The following SLCO3A1 variants were observed in gnomAD, a reference collection of about 807,000 sequenced individuals.
SLCO3A1 encodes PGE1 transporter.
A neutral mutation model predicts 63.1 loss-of-function variants in SLCO3A1; 27 were observed. That is an observed-to-expected ratio of 0.43 (90% CI 0.32 to 0.59). The LOEUF (loss-of-function observed/expected upper bound fraction) is 0.59. Ranked by LOEUF, SLCO3A1 falls within the 20% of genes least tolerant of loss-of-function variation. The probability of loss-of-function intolerance (pLI) is 0.09; values close to 1 mark genes in which losing one functional copy is unlikely to be tolerated. For missense variants in SLCO3A1, 773 were observed against 945.8 expected (o/e 0.82, Z 2.40); for synonymous variants, 473 against 409.9 (o/e 1.15, Z -1.86).
chr15:92,043,917 AT>A (rs1159980212), intron 2 of SLCO3A1, among the ~76,000 whole-genome samples: 1 of 152,068 alleles, frequency 6.6e-6, no homozygotes, highest in Non-Finnish European at 1.5e-5. Flanking sequence ...CGGTTTTTCC[AT>A]CCCCCCTGGG....
chr15:91,929,130 C>A (rs1257648807), intron 2 of SLCO3A1, among the ~76,000 whole-genome samples: 1 of 152,194 alleles, frequency 6.6e-6, no homozygotes, highest in African/African-American at 2.4e-5. Flanking sequence ...TCAGCATGAG[C>A]AGTTATTGAG....
At chr15:92,091,653 T>C (rs912110311) in intron 2 of SLCO3A1, among the ~76,000 whole-genome samples, 2 of 152,158 alleles carry the variant, frequency 1.3e-5, no homozygotes, top group African/African-American at 4.8e-5. Flanking sequence ...GGACTGTCCT[T>C]TGAAAAAGGT....
downstream of SLCO3A1, among the ~76,000 whole-genome samples, chr15:92,167,167 T>C (rs1402599516): frequency 4.6e-5 from 7 of 152,240 alleles, no homozygotes; most frequent in East Asian, 1.3e-3. Context: ...TACTTCCCGC[T>C]GCCTGGTGCT....
Position 91,971,411 on chromosome 15 carries a change from G to A in SLCO3A1, c.646+54953G>A, listed in dbSNP as rs1196602943. Among the ~76,000 whole-genome samples the A allele has an allele frequency of 8.8e-3, 325 of 36,998 alleles. 1 individual carries two copies. The highest frequency in any genetic ancestry group is 0.017 in the East Asian group (14 of 832). 24.3% of individuals were successfully genotyped at this position (36,998 alleles called of 152,430 possible). A position where few individuals can be genotyped will look rare whatever the true frequency, so the allele number is the denominator to read the frequency against. On this transcript the variant is annotated intron_variant, in intron 2 of 9. Coordinates refer to ENST00000318445, the MANE Select transcript of SLCO3A1 (RefSeq NM_013272.4). ...CTCCATCTCAAAAAAAAAAAAAAAA[G>A]CAACCTCTTCCTTCTTGTTTCAGCT...
intron 1 of SLCO3A1, among the ~76,000 whole-genome samples, chr15:91,906,121 T>C (rs867963132): frequency 1.3e-5 from 2 of 152,196 alleles, no homozygotes; most frequent in South Asian, 4.1e-4. Flanking sequence ...CATGGAATCA[T>C]AGTGGAGAGT....
intron 2 of SLCO3A1, among the ~76,000 whole-genome samples, chr15:92,011,888 C>G (rs114045025): frequency 6.6e-5 from 10 of 152,364 alleles, no homozygotes; most frequent in African/African-American, 2.4e-4. Flanking sequence ...ATCAGGGAAC[C>G]TCTCAATTTG....
chr15:92,046,228 T>C (rs1055513134), intron 2 of SLCO3A1, among the ~76,000 whole-genome samples: 1 of 152,074 alleles, frequency 6.6e-6, no homozygotes, highest in African/African-American at 2.4e-5. Flanking sequence ...CAAAAAGTTA[T>C]TGTCGGCTGG....
chr15:92,162,808 G>GTTCTGGAGCACGTTC lies in SLCO3A1; in HGVS notation c.1808_1822dup (p.Phe603_Phe607dup). The GTTCTGGAGCACGTTC allele has an allele frequency of 6.2e-7, 1 of 1,614,136 alleles. No individual in the cohort carries two copies. Among genetic ancestry groups the GTTCTGGAGCACGTTC allele is most frequent in the Non-Finnish European group, 8.5e-7 (1 of 1,180,000 alleles). On this transcript the variant is annotated inframe_insertion, in exon 10 of 10. Transcript: ENST00000318445. ...GGGCTGGCATCGACTCCACCTGCCT[G>GTTCTGGAGCACGTTC]TTCTGGAGCACGTTCTGTGGGGAGC... is the stretch of plus-strand genomic sequence containing the variant.
At chr15:92,115,843 C>G (rs2047789002) in intron 4 of SLCO3A1, among the ~76,000 whole-genome samples, 1 of 112,036 alleles carries the variant, frequency 8.9e-6, no homozygotes, top group Non-Finnish European at 1.9e-5. Flanking sequence ...AAAAAATGGA[C>G]TAAGTCCCAG....
chr15:92,025,155 C>G (rs866582598), intron 2 of SLCO3A1, among the ~76,000 whole-genome samples: 347 of 138,418 alleles, frequency 2.5e-3, no homozygotes, highest in Middle Eastern at 0.012. Flanking sequence ...CGTTATTTTT[C>G]TTAGGTTGTC....
At position 91,943,276 on chromosome 15, in the gene SLCO3A1, T is replaced by C. The variant is rs200691802; in HGVS notation, c.646+26818T>C. Among the ~76,000 whole-genome samples the C allele has an allele frequency of 1.1e-4, 16 of 152,216 alleles. No homozygotes were observed. The East Asian group carries it at 3.1e-3, about 30-fold the overall frequency. ...AGCCCTTGGCAACCACCAGTGTGCT[T>C]CCTTCTGTCTCTGTGAGTCTTGCTA... is the stretch of plus-strand genomic sequence containing the variant. On this transcript the variant is annotated intron_variant, in intron 2 of 9. Coordinates refer to ENST00000318445, the MANE Select transcript of SLCO3A1 (RefSeq NM_013272.4).
chr15:92,001,867 G>A (rs1035388159), intron 2 of SLCO3A1, among the ~76,000 whole-genome samples: 16 of 123,786 alleles, frequency 1.3e-4, no homozygotes, highest in South Asian at 4.9e-4. Context: ...ACGGAGTCTC[G>A]CTCTGTCACC....
intron 2 of SLCO3A1, among the ~76,000 whole-genome samples, chr15:91,956,949 G>A (rs1452026760): frequency 1.9e-5 from 1 of 52,424 alleles, no homozygotes; most frequent in Non-Finnish European, 3.8e-5. Context: ...CACCATGCCT[G>A]GCTAATTTAT....
intron 2 of SLCO3A1, among the ~76,000 whole-genome samples, chr15:91,927,734 C>T (rs548928882): frequency 6.6e-6 from 1 of 152,178 alleles, no homozygotes; most frequent in Non-Finnish European, 1.5e-5. Flanking sequence ...ACCATAAGAA[C>T]ATTCACGTTT....
chr15:92,085,685 C>T (rs2047396250), intron 2 of SLCO3A1, among the ~76,000 whole-genome samples: 3 of 152,212 alleles, frequency 2.0e-5, no homozygotes, highest in Admixed American at 1.3e-4. Context: ...ACAGCTTACA[C>T]GTTGTTGTGA....
intron 1 of SLCO3A1, among the ~76,000 whole-genome samples, chr15:91,910,864 A>G (rs1299853305): frequency 6.6e-6 from 1 of 152,250 alleles, no homozygotes; most frequent in Admixed American, 6.5e-5. Flanking sequence ...TCAAAAGCTC[A>G]GGTGATGCCA....
intron 2 of SLCO3A1, among the ~76,000 whole-genome samples, chr15:91,962,351 T>A (rs973775107): frequency 6.6e-6 from 1 of 151,872 alleles, no homozygotes; most frequent in African/African-American, 2.4e-5. Flanking sequence ...TGGTGGCACA[T>A]GCCTGTGATC....
intron 2 of SLCO3A1, among the ~76,000 whole-genome samples, chr15:91,932,635 GTTTCA>G (rs1899276144): frequency 6.6e-6 from 1 of 152,078 alleles, no homozygotes; most frequent in African/African-American, 2.4e-5. Flanking sequence ...TAGAGATGAG[GTTTCA>G]CCATGTTGGC....
intron 2 of SLCO3A1, among the ~76,000 whole-genome samples, chr15:92,089,114 C>T (rs959973037): frequency 6.6e-6 from 1 of 152,034 alleles, no homozygotes; most frequent in African/African-American, 2.4e-5. Context: ...CAAGCTCCGC[C>T]TCCTGGGTTC....
Sources: allele counts gnomAD v4.1 joint callset (sites outside exome capture counted in the v4.1 genomes callset), GRCh38; gene constraint gnomAD v4.1.1; transcripts MANE v1.5; gene names NCBI Gene and HGNC (gene_info 2026-07-23, HGNC 2026-07-21).